TAFA4: variants seen among roughly 807,000 people sequenced by gnomAD.
The protein encoded by TAFA4 is TAFA chemokine like family member 4, also known as chemokine-like protein TAFA-4.
TAFA4 carries 20 observed loss-of-function variants against 21.1 expected under a neutral mutation model. The observed-to-expected ratio is 0.95, with a 90% CI of 0.67 to 1.38. TAFA4 has a LOEUF of 1.38. Ranked by LOEUF, TAFA4 falls within the 40% of genes most tolerant of loss-of-function variation. The pLI, the probability that TAFA4 is intolerant of heterozygous loss-of-function variation, is 0.00. For synonymous variants in TAFA4, 71 were observed against 67.4 expected (o/e 1.05, Z -0.26); for missense variants, 211 against 180.9 (o/e 1.17, Z -0.95).
At chr3:68,823,403 A>G (rs1559533582) in intron 3 of TAFA4, among the ~76,000 whole-genome samples, 1 of 152,106 alleles carries the variant, frequency 6.6e-6, no homozygotes, top group East Asian at 1.9e-4. Flanking sequence ...GCTCATCACT[A>G]CTTCAAATTA....
intron 1 of TAFA4, among the ~76,000 whole-genome samples, chr3:68,899,874 T>C (rs1190461546): frequency 1.3e-5 from 2 of 152,094 alleles, no homozygotes; most frequent in African/African-American, 4.8e-5. Flanking sequence ...CACCATAATA[T>C]GCAGTGTAAC....
At chr3:68,774,491 T>C (rs547464739) in intron 3 of TAFA4, among the ~76,000 whole-genome samples, 14 of 152,238 alleles carry the variant, frequency 9.2e-5, no homozygotes, top group African/African-American at 3.1e-4. Flanking sequence ...AACCAAGAAA[T>C]ACAATTAAAT....
intron 2 of TAFA4, among the ~76,000 whole-genome samples, chr3:68,881,760 C>T (rs1395023698): frequency 1.3e-5 from 2 of 152,010 alleles, no homozygotes; most frequent in Non-Finnish European, 2.9e-5. Flanking sequence ...ACTTATGGGC[C>T]GACAATAAAA....
In TAFA4 at chr3:68,810,736, A is replaced by C. The variant is rs376882913; in HGVS notation, c.131-57718T>G. On this transcript the variant is annotated intron_variant, in intron 3 of 5. Transcript: ENST00000295569. ...AGGACTGTCTGCCTCTGCAGACTCC[A>C]CCTCTGGGGGCAGGGCATAGCCAAA... Among the ~76,000 whole-genome samples, 6 of 152,316 alleles carry C rather than the reference A, an allele frequency of 3.9e-5. No homozygotes were observed. The South Asian group carries it at 1.2e-3, about 32-fold the overall frequency.
chr3:68,811,732 C>T (rs1703844842), intron 3 of TAFA4, among the ~76,000 whole-genome samples: 1 of 152,172 alleles, frequency 6.6e-6, no homozygotes, highest in Non-Finnish European at 1.5e-5. Context: ...AGAATGGAAC[C>T]AAGTTGGAAA....
chr3:68,820,379 C>T (rs1704086115), intron 3 of TAFA4, among the ~76,000 whole-genome samples: 1 of 152,112 alleles, frequency 6.6e-6, no homozygotes, highest in East Asian at 1.9e-4. Flanking sequence ...CGATATATTA[C>T]AGACTTAAAA....
chr3:68,813,077 T>G (rs1485077300), intron 3 of TAFA4, among the ~76,000 whole-genome samples: 2 of 152,018 alleles, frequency 1.3e-5, no homozygotes, highest in Non-Finnish European at 2.9e-5. Context: ...GAGTGACTAC[T>G]GGGTACATAA....
chr3:68,898,288 T>C (rs2089811919), intron 1 of TAFA4, among the ~76,000 whole-genome samples: 1 of 152,198 alleles, frequency 6.6e-6, no homozygotes, highest in Non-Finnish European at 1.5e-5. Flanking sequence ...TGGAAAGGCA[T>C]ATCTGATTGT....
At chr3:68,833,498 A>C (rs1163113056) in intron 3 of TAFA4, among the ~76,000 whole-genome samples, 2 of 152,178 alleles carry the variant, frequency 1.3e-5, no homozygotes, top group Admixed American at 1.3e-4. Flanking sequence ...GCTTCAATAA[A>C]AGGACCAATA....
At chr3:68,926,257 T>C (rs1044127494) in intron 1 of TAFA4, among the ~76,000 whole-genome samples, 2 of 151,038 alleles carry the variant, frequency 1.3e-5, no homozygotes, top group African/African-American at 4.9e-5. Flanking sequence ...TCTAAATATA[T>C]GTGAATAAAA....
At chr3:68,748,067 C>T (rs1702491616) in intron 4 of TAFA4, among the ~76,000 whole-genome samples, 1 of 152,172 alleles carries the variant, frequency 6.6e-6, no homozygotes, top group Admixed American at 6.5e-5. Context: ...TCTCTGTTCT[C>T]CCTTTGAGTC....
chr3:68,735,677 GT>G (rs1450411090), intron 5 of TAFA4, among the ~76,000 whole-genome samples: 1 of 151,928 alleles, frequency 6.6e-6, no homozygotes, highest in Admixed American at 6.6e-5. Context: ...AGACAAAACT[GT>G]TGCTTCCATT....
At chr3:68,918,053 G>C (rs1033672663) in intron 1 of TAFA4, among the ~76,000 whole-genome samples, 10 of 152,064 alleles carry the variant, frequency 6.6e-5, no homozygotes, top group African/African-American at 2.2e-4. Flanking sequence ...CTTTGAGTAG[G>C]TTAGGGATTT....
chr3:68,907,962 T>C (rs1219506932), intron 1 of TAFA4, among the ~76,000 whole-genome samples: 8 of 152,204 alleles, frequency 5.3e-5, no homozygotes, highest in Admixed American at 4.6e-4. Context: ...GGAATCAGCA[T>C]GGATTCGCTA....
intron 1 of TAFA4, among the ~76,000 whole-genome samples, chr3:68,896,104 AG>A (rs1575662478): frequency 6.6e-6 from 1 of 152,134 alleles, no homozygotes; most frequent in Admixed American, 6.6e-5. Flanking sequence ...GGGAGGCCAG[AG>A]GGGAGTAAGC....
At position 68,932,504 on chromosome 3, in the gene TAFA4, G is replaced by A; in HGVS notation, c.-387C>T. ...CCGATGTTTGCCCGCAGCCGCGCGC[G>A]CAGTCGGTGCGCCCCGTCCAGGGCG... On this transcript the variant is annotated 5_prime_UTR_variant, in exon 1 of 6. Transcript: ENST00000295569. 6.6e-6 allele frequency: 1 copy of A among 152,384 alleles called. No individual in the cohort carries two copies. Among genetic ancestry groups the A allele is most frequent in the Non-Finnish European group, 1.5e-5 (1 of 68,076 alleles). The allele number at this position is 152,384 out of a possible 1,614,324, so 9.4% of individuals were successfully genotyped here.
intron 3 of TAFA4, among the ~76,000 whole-genome samples, chr3:68,808,482 A>T (rs1679829651): frequency 6.6e-6 from 1 of 152,190 alleles, no homozygotes; most frequent in South Asian, 2.1e-4. Flanking sequence ...TTAAAAAAAT[A>T]ATCTACTGCC....
chr3:68,803,052 C>T (rs1047616598), intron 3 of TAFA4, among the ~76,000 whole-genome samples: 2 of 152,150 alleles, frequency 1.3e-5, no homozygotes, highest in Non-Finnish European at 2.9e-5. Flanking sequence ...TAATTCAGTA[C>T]CTGAAATGCC....
At chr3:68,916,085 T>C (rs1005790064) in intron 1 of TAFA4, 2 of 152,260 alleles carry the variant, frequency 1.3e-5, no homozygotes, top group African/African-American at 2.4e-5. Flanking sequence ...TGAGAAATTC[T>C]TTCTTGTGGA....
Sources: gnomAD v4.1 joint callset for allele counts (sites outside exome capture counted in the v4.1 genomes callset) on GRCh38, gnomAD v4.1.1 for gene constraint, MANE v1.5 for transcripts, NCBI Gene and HGNC (gene_info 2026-07-23, HGNC 2026-07-21) for gene names.